AGTPBP1: variants seen among roughly 807,000 people sequenced by gnomAD.
AGTPBP1 encodes the protein ATP/GTP binding carboxypeptidase 1.
A neutral mutation model predicts 143.9 loss-of-function variants in AGTPBP1; 70 were observed. The ratio of observed to expected loss-of-function variants is 0.49; its 90% CI spans 0.40 to 0.59. The LOEUF is 0.59. AGTPBP1 is among the 20% of genes least tolerant of loss of function. The pLI, the probability that AGTPBP1 is intolerant of heterozygous loss-of-function variation, is 0.00. For synonymous variants in AGTPBP1, 463 were observed against 500.2 expected, an observed-to-expected ratio of 0.93 and a Z score of 0.99; for missense variants, 1,229 against 1,464.5, an observed-to-expected ratio of 0.84 and a Z score of 2.62.
intron 7 of AGTPBP1, 37 bp downstream of exon 7, chr9:85,672,513 C>A (rs370546462): frequency 1.9e-6 from 3 of 1,587,628 alleles, no homozygotes; most frequent in Non-Finnish European, 2.6e-6. Context: ...TGTAACTTTA[C>A]AACACTGAGT....
intron 11 of AGTPBP1, among the ~76,000 whole-genome samples, chr9:85,647,638 T>A (rs1379841533): frequency 6.6e-6 from 1 of 152,138 alleles, no homozygotes; most frequent in Non-Finnish European, 1.5e-5. Context: ...GTAAACTGCT[T>A]GGAGACAAGG....
the AGTPBP1 span, among the ~76,000 whole-genome samples, chr9:85,762,137 A>T: frequency 6.6e-6 from 1 of 152,098 alleles, no homozygotes; most frequent in Non-Finnish European, 1.5e-5. Flanking sequence ...GCTGGAGAGG[A>T]TGTGGAGAAA....
upstream of AGTPBP1, among the ~76,000 whole-genome samples, chr9:85,743,269 G>A (rs1398023171): frequency 6.6e-6 from 1 of 152,146 alleles, no homozygotes; most frequent in Admixed American, 6.5e-5. Flanking sequence ...TGCAATATAG[G>A]AAGATATTAT....
At position 85,638,179 on chromosome 9, in the gene AGTPBP1, G is replaced by A. The variant is rs550616007; in HGVS notation, c.1302+4648C>T. 8.5e-5 allele frequency among the ~76,000 whole-genome samples: 13 copies of A among 152,144 alleles called. No individual in the cohort carries two copies. The South Asian group carries it at 2.7e-3, about 32-fold the overall frequency. On this transcript the variant is annotated intron_variant, in intron 13 of 25. Transcript: ENST00000357081. ...GGAAGTCATGGTAGTTAGAATACTC[G>A]AAGTTTCCATTTATGGCTGAGGGAA...
At chr9:85,791,108 G>A in the AGTPBP1 span, among the ~76,000 whole-genome samples, 11 of 152,076 alleles carry the variant, frequency 7.2e-5, no homozygotes, top group African/African-American at 1.4e-4. Flanking sequence ...AGCCAGGCAC[G>A]GTGGCTCATG....
chr9:85,752,802 G>A, the AGTPBP1 span, among the ~76,000 whole-genome samples: 25 of 152,248 alleles, frequency 1.6e-4, no homozygotes, highest in Middle Eastern at 3.4e-3. Flanking sequence ...AGGCCAGGAA[G>A]ATCACTGGAG....
the AGTPBP1 span, among the ~76,000 whole-genome samples, chr9:85,767,582 G>A: frequency 1.3e-4 from 20 of 151,770 alleles, no homozygotes; most frequent in African/African-American, 3.4e-4. Flanking sequence ...TCCTGACCTC[G>A]TGATCCACCC....
Position 85,648,807 on chromosome 9 carries a change from G to A in AGTPBP1, c.1088-2389C>T, listed in dbSNP as rs533728845. ...AGCCTGGGCAACAGTGCGAGACTCC[G>A]TCTCAAAAAAAAGAGAAAGAAAGAA... On this transcript the variant is annotated intron_variant, in intron 11 of 25. Transcript: ENST00000357081. Among the ~76,000 whole-genome samples, 26 of 152,078 alleles carry A rather than the reference G, an allele frequency of 1.7e-4. 1 individual carries two copies. Among genetic ancestry groups the A allele is most frequent in the South Asian group, 1.7e-3 (8 of 4,814 alleles).
chr9:85,670,234 A>G (rs1373293912), intron 7 of AGTPBP1, among the ~76,000 whole-genome samples: 1 of 152,214 alleles, frequency 6.6e-6, no homozygotes, highest in Admixed American at 6.5e-5. Flanking sequence ...TATCAAGAAA[A>G]GATACACAAA....
chr9:85,646,537 T>A, intron 11 of AGTPBP1, 119 bp from the exon 12 acceptor site: 3 of 718,256 alleles, frequency 4.2e-6, no homozygotes, highest in Non-Finnish European at 6.9e-6. Flanking sequence ...GTAAATGAGA[T>A]TTCTTATTTA....
At chr9:85,632,555 A>AT (rs1299688873) in intron 14 of AGTPBP1, 107 bp downstream of exon 14, 9 of 981,242 alleles carry the variant, frequency 9.2e-6, no homozygotes, top group East Asian at 5.3e-5. Context: ...ACAGTAACTT[A>AT]TAACTCACAG....
At chr9:85,774,087 CT>C in the AGTPBP1 span, 3 of 1,199,382 alleles carry the variant, frequency 2.5e-6, no homozygotes, top group Non-Finnish European at 1.2e-6. Context: ...GGTGTGGGTA[CT>C]GAAGGAAGAT....
intron 2 of AGTPBP1, among the ~76,000 whole-genome samples, chr9:85,707,728 T>A (rs1837101191): frequency 6.6e-6 from 1 of 152,160 alleles, no homozygotes; most frequent in Non-Finnish European, 1.5e-5. Context: ...CCTCACTGCT[T>A]AAAAACAACA....
intron 23 of AGTPBP1, among the ~76,000 whole-genome samples, chr9:85,582,459 T>C (rs1314159146): frequency 1.3e-5 from 2 of 152,088 alleles, no homozygotes; most frequent in African/African-American, 2.4e-5. Flanking sequence ...GGCGGATCAT[T>C]TGATGTCAGG....
intron 20 of AGTPBP1, 91 bp downstream of exon 20, chr9:85,589,437 T>C: frequency 5.5e-6 from 8 of 1,467,834 alleles, no homozygotes; most frequent in Non-Finnish European, 7.3e-6. Flanking sequence ...CTGATGTCTG[T>C]TCCTATTATC....
intron 1 of AGTPBP1, among the ~76,000 whole-genome samples, chr9:85,713,177 G>A (rs929259565): frequency 1.3e-5 from 2 of 152,118 alleles, no homozygotes; most frequent in African/African-American, 4.8e-5. Context: ...AAATACCAAT[G>A]CTTACTGTAG....
intron 17 of AGTPBP1, 117 bp from the exon 18 acceptor site, chr9:85,596,566 A>G: frequency 1.6e-6 from 1 of 613,938 alleles, no homozygotes; most frequent in Middle Eastern, 4.6e-4. Flanking sequence ...ATTACATTTC[A>G]GTTTTTTAGT....
chr9:85,635,789 A>G (rs935855385), intron 13 of AGTPBP1, among the ~76,000 whole-genome samples: 1 of 151,864 alleles, frequency 6.6e-6, no homozygotes, highest in Non-Finnish European at 1.5e-5. Flanking sequence ...CCAGTACTAC[A>G]TCTTCAGTAT....
chr9:85,668,055 C>A (rs62569197), intron 8 of AGTPBP1, among the ~76,000 whole-genome samples: 2,542 of 151,770 alleles, frequency 0.017, 25 homozygotes, highest in Middle Eastern at 0.055. Flanking sequence ...GAATTTACAG[C>A]TCAAATATAA....
Sources: gnomAD v4.1 joint callset for allele counts (sites outside exome capture counted in the v4.1 genomes callset) on GRCh38, gnomAD v4.1.1 for gene constraint, MANE v1.5 for transcripts, NCBI Gene and HGNC (gene_info 2026-07-23, HGNC 2026-07-21) for gene names.